The following WDR7 variants were observed in gnomAD, a reference collection of about 807,000 sequenced individuals.
WDR7 encodes WD repeat-containing protein 7.
Under a neutral mutation model 169.4 loss-of-function variants are expected in WDR7, and 46 were observed. The observed-to-expected ratio is 0.27, with a 90% CI of 0.21 to 0.35. WDR7 has a LOEUF of 0.35. WDR7 is among the 10% of genes least tolerant of loss of function. The probability of loss-of-function intolerance (pLI) is 1.00; values close to 1 mark genes in which losing one functional copy is unlikely to be tolerated. For missense variants in WDR7, 1,534 were observed against 1,859.3 expected, an observed-to-expected ratio of 0.83 and a Z score of 3.22; for synonymous variants, 612 against 666.8, an observed-to-expected ratio of 0.92 and a Z score of 1.27.
chr18:56,707,789 G>A (rs570221217), intron 12 of WDR7, among the ~76,000 whole-genome samples: 3 of 152,082 alleles, frequency 2.0e-5, no homozygotes, highest in Non-Finnish European at 2.9e-5. Context: ...TGAAGGTTAG[G>A]TTTCTCTGCG....
At chr18:56,972,990 T>C (rs1398726740) in intron 26 of WDR7, among the ~76,000 whole-genome samples, 1 of 152,154 alleles carries the variant, frequency 6.6e-6, no homozygotes, top group Non-Finnish European at 1.5e-5. Context: ...CAGCTGCCTA[T>C]GTAGCTGGGA....
rs565945257 is a variant in WDR7, at chr18:56,794,909, T to C, written c.3190+13253T>C. Among the ~76,000 whole-genome samples, 89 of 152,272 alleles carry C rather than the reference T, an allele frequency of 5.8e-4. 1 individual carries two copies. The highest frequency in any genetic ancestry group is 1.2e-3 in the Admixed American group (18 of 15,302). On this transcript the variant is annotated intron_variant, in intron 19 of 27. Transcript: ENST00000254442. ...TTATTTGTAGAATAAATTAGGTTTGTAGTGTGATGAGTTTTGCCTTTCTTT... is the reference window on the plus strand; with the variant it reads ...TTATTTGTAGAATAAATTAGGTTTGCAGTGTGATGAGTTTTGCCTTTCTTT...
intron 21 of WDR7, among the ~76,000 whole-genome samples, chr18:56,901,493 A>G (rs2046401250): frequency 6.6e-6 from 1 of 152,130 alleles, no homozygotes; most frequent in Non-Finnish European, 1.5e-5. Flanking sequence ...AGATAAATAA[A>G]TGATGGTTGG....
chr18:57,017,049 C>T (rs1337853045), intron 26 of WDR7, among the ~76,000 whole-genome samples: 5 of 152,184 alleles, frequency 3.3e-5, no homozygotes, highest in African/African-American at 1.2e-4. Flanking sequence ...CCATCCAATC[C>T]GCTCCATCAC....
At chr18:56,924,832 C>T (rs2046780540) in intron 22 of WDR7, among the ~76,000 whole-genome samples, 1 of 152,206 alleles carries the variant, frequency 6.6e-6, no homozygotes, top group Non-Finnish European at 1.5e-5. Context: ...GTCTATAATT[C>T]AGTGGCATTA....
chr18:56,770,441 C>G (rs2044136554), intron 16 of WDR7, among the ~76,000 whole-genome samples: 1 of 152,190 alleles, frequency 6.6e-6, no homozygotes, highest in Non-Finnish European at 1.5e-5. Context: ...AACTCTCTCC[C>G]CATGGTTCTT....
Position 56,779,456 on chromosome 18 carries a change from C to A in WDR7, c.2973C>A (p.His991Gln), listed in dbSNP as rs1244821705. 7.4e-6 allele frequency: 12 copies of A among 1,612,818 alleles called. No individual in the cohort carries two copies. The highest frequency in any genetic ancestry group is 9.3e-6 in the Non-Finnish European group (11 of 1,179,464). Residue 991 changes from histidine (H) to glutamine (Q), a missense_variant, in exon 18 of 28, where the codon CAC becomes CAA. Transcript: ENST00000254442. ...NEGWSQLAAM[H>Q]CVMLPDLLGL... ...GTTGGAGTCAGTTAGCTGCTATGCA[C>A]TGTGTTATGCTGCCAGACCTACTGG... is the stretch of plus-strand genomic sequence containing the variant.
intron 20 of WDR7, among the ~76,000 whole-genome samples, chr18:56,867,251 G>T (rs2045895298): frequency 6.6e-6 from 1 of 152,026 alleles, no homozygotes; most frequent in Non-Finnish European, 1.5e-5. Context: ...TGCCTAGGCT[G>T]GTCTCGAACT....
chr18:56,970,253 T>C (rs1001490084), intron 26 of WDR7, among the ~76,000 whole-genome samples: 2 of 136,898 alleles, frequency 1.5e-5, no homozygotes, highest in Non-Finnish European at 1.5e-5. Flanking sequence ...TTTTTGCTGT[T>C]TTTTTTTTCC....
chr18:56,947,815 T>C (rs2145727098), intron 25 of WDR7, among the ~76,000 whole-genome samples: 1 of 152,366 alleles, frequency 6.6e-6, no homozygotes, highest in South Asian at 2.1e-4. Flanking sequence ...GTATGTGTGA[T>C]ACGCACATGT....
At chr18:56,905,477 G>C (rs1398524625) in intron 21 of WDR7, among the ~76,000 whole-genome samples, 2 of 152,150 alleles carry the variant, frequency 1.3e-5, no homozygotes, top group Admixed American at 1.3e-4. Flanking sequence ...AGAAGATATT[G>C]ATAAGGATTT....
intron 21 of WDR7, among the ~76,000 whole-genome samples, chr18:56,910,061 G>A (rs546187775): frequency 2.4e-3 from 365 of 152,240 alleles, no homozygotes; most frequent in African/African-American, 8.6e-3. Context: ...CATGGCAGTA[G>A]CAGCAAGAGC....
chr18:56,694,536 A>G, intron 9 of WDR7, 83 bp from the exon 10 acceptor site: 1 of 1,384,202 alleles, frequency 7.2e-7, no homozygotes, highest in Non-Finnish European at 9.8e-7. Context: ...AAATTACCTA[A>G]TATCTTTGTT....
intron 14 of WDR7, among the ~76,000 whole-genome samples, chr18:56,738,629 T>C (rs2026753205): frequency 6.6e-6 from 1 of 152,098 alleles, no homozygotes; most frequent in South Asian, 2.1e-4. Context: ...GAAAGAATAA[T>C]GTTTGGGTAT....
At position 56,691,245 on chromosome 18, in the gene WDR7, G is replaced by A. The variant is rs756640268; in HGVS notation, c.747G>A (p.Leu249=). Residue 249 remains leucine, a synonymous_variant, in exon 8 of 28, where the codon TTG becomes TTA. Transcript: ENST00000254442. The stretch of plus-strand genomic sequence containing the variant: ...TCGATGCCGGAGACTATTCCTTGTT[G>A]TGTTCAGGTCCTAGTGAAAATGGAC... The part of the protein sequence containing the change: ...RVFDAGDYSL[L]CSGPSENGQT... 1 of 1,609,954 alleles carries A rather than the reference G, an allele frequency of 6.2e-7. No individual in the cohort carries two copies. The highest frequency in any genetic ancestry group is 1.1e-5 in the South Asian group (1 of 90,318).
At chr18:56,819,339 C>G (rs2045042133) in intron 20 of WDR7, among the ~76,000 whole-genome samples, 1 of 152,140 alleles carries the variant, frequency 6.6e-6, no homozygotes, top group Non-Finnish European at 1.5e-5. Flanking sequence ...TTGATTGATA[C>G]AATTTAAATC....
chr18:57,014,393 A>C (rs574400646), intron 26 of WDR7, among the ~76,000 whole-genome samples: 7 of 151,436 alleles, frequency 4.6e-5, no homozygotes, highest in Middle Eastern at 6.9e-3. Flanking sequence ...CCAGGTGCTC[A>C]CACCTGTAAT....
chr18:56,939,006 T>C (rs2046998646), intron 24 of WDR7, among the ~76,000 whole-genome samples: 1 of 152,182 alleles, frequency 6.6e-6, no homozygotes, highest in Admixed American at 6.5e-5. Flanking sequence ...CTTTGACATC[T>C]TTCATTATAA....
At chr18:57,034,194 C>G (rs930327288), downstream of WDR7, 1 of 151,674 alleles carries the variant, frequency 6.6e-6, no homozygotes. Context: ...GATGGTGAGT[C>G]TCCGCCTCAA....
Sources: gnomAD v4.1 joint callset for allele counts (sites outside exome capture counted in the v4.1 genomes callset) on GRCh38, gnomAD v4.1.1 for gene constraint, MANE v1.5 for transcripts, NCBI Gene and HGNC (gene_info 2026-07-23, HGNC 2026-07-21) for gene names.